EHMT1: variants seen among roughly 807,000 people sequenced by gnomAD.
The protein encoded by EHMT1 is histone-lysine N-methyltransferase EHMT1.
A neutral mutation model predicts 147.2 loss-of-function variants in EHMT1; 15 were observed. That is an observed-to-expected ratio of 0.10 (90% confidence interval 0.07 to 0.16). The LOEUF is 0.16. EHMT1 is among the 10% of genes least tolerant of loss of function. The pLI is 1.00. For synonymous variants in EHMT1, 795 were observed against 709.6 expected (o/e 1.12, Z -1.91); for missense variants, 1,587 against 1,772.4 (o/e 0.90, Z 1.88).
intron 4 of EHMT1, among the ~76,000 whole-genome samples, chr9:137,740,788 G>T (rs1947987079): frequency 1.3e-5 from 2 of 152,124 alleles, no homozygotes; most frequent in South Asian, 2.1e-4. Flanking sequence ...TTCCTGACAT[G>T]ATTTATTTTA....
chr9:137,644,808 T>C (rs755523567), intron 1 of EHMT1, among the ~76,000 whole-genome samples: 15 of 152,128 alleles, frequency 9.9e-5, no homozygotes, highest in Non-Finnish European at 2.1e-4. Context: ...TAATTATTGG[T>C]CTTTTGGTTG....
intron 6 of EHMT1, chr9:137,747,980 TTTTC>T (rs1421794360): frequency 1.3e-5 from 2 of 152,238 alleles, no homozygotes; most frequent in African/African-American, 4.8e-5. Context: ...TCTTTCTTTT[TTTTC>T]TTTGAGTGTG....
chr9:137,672,622 C>T (rs941517077), intron 1 of EHMT1, among the ~76,000 whole-genome samples: 9 of 152,228 alleles, frequency 5.9e-5, no homozygotes, highest in Admixed American at 2.0e-4. Flanking sequence ...AAGCGCCTGG[C>T]GCAGTACTGC....
chr9:137,781,062 ATGACGCCGGGATGTGTGG>A (rs1951437867), intron 14 of EHMT1, among the ~76,000 whole-genome samples: 1 of 135,388 alleles, frequency 7.4e-6, no homozygotes, highest in African/African-American at 3.0e-5. Flanking sequence ...ACGTGTGGTG[ATGACGCCGGGATGTGTGG>A]TGATGACGCT....
intron 1 of EHMT1, among the ~76,000 whole-genome samples, chr9:137,686,078 G>A (rs981775769): frequency 2.0e-5 from 3 of 151,936 alleles, no homozygotes; most frequent in Non-Finnish European, 4.4e-5. Flanking sequence ...TGCCAGGCTT[G>A]GAAGAGTTCT....
At chr9:137,740,610 A>C (rs1947972009) in intron 4 of EHMT1, among the ~76,000 whole-genome samples, 1 of 152,150 alleles carries the variant, frequency 6.6e-6, no homozygotes, top group Non-Finnish European at 1.5e-5. Flanking sequence ...GTGCTCAAAC[A>C]CTTTCAGGTC....
At chr9:137,748,932 A>G (rs1000014700) in intron 6 of EHMT1, among the ~76,000 whole-genome samples, 1 of 152,168 alleles carries the variant, frequency 6.6e-6, no homozygotes, top group Non-Finnish European at 1.5e-5. Context: ...TCTGCTCAGA[A>G]GCCACTTGCC....
intron 1 of EHMT1, among the ~76,000 whole-genome samples, chr9:137,689,280 T>C (rs1048784432): frequency 2.0e-5 from 3 of 152,370 alleles, no homozygotes; most frequent in Admixed American, 2.0e-4. Context: ...GAGTTTGGTA[T>C]GTGTCCTTCA....
chr9:137,759,187 T>C (rs974812016), intron 9 of EHMT1, among the ~76,000 whole-genome samples: 3 of 151,930 alleles, frequency 2.0e-5, no homozygotes, highest in African/African-American at 7.3e-5. Flanking sequence ...CTTAGCCTAG[T>C]CCGTCATGGA....
chr9:137,637,264 C>G (rs958382357), intron 1 of EHMT1, among the ~76,000 whole-genome samples: 1 of 152,126 alleles, frequency 6.6e-6, no homozygotes. Context: ...CAGCCTCCGC[C>G]TCCTGGGTTC....
chr9:137,687,576 G>A (rs1942570504), intron 1 of EHMT1, among the ~76,000 whole-genome samples: 1 of 152,170 alleles, frequency 6.6e-6, no homozygotes, highest in African/African-American at 2.4e-5. Context: ...GTGTTAGCAG[G>A]GGAGGCTTTT....
intron 3 of EHMT1, among the ~76,000 whole-genome samples, chr9:137,725,881 C>G (rs910284870): frequency 6.6e-6 from 1 of 152,150 alleles, no homozygotes; most frequent in African/African-American, 2.4e-5. Context: ...AGGTGCTACC[C>G]TGTTCTCCTC....
At chr9:137,625,857 G>GTTTT (rs1320835380) in intron 1 of EHMT1, among the ~76,000 whole-genome samples, 2 of 150,226 alleles carry the variant, frequency 1.3e-5, no homozygotes. Flanking sequence ...GTTTTGTTTT[G>GTTTT]TTTTTGTTTT....
intron 1 of EHMT1, among the ~76,000 whole-genome samples, chr9:137,631,201 C>T (rs564231289): frequency 6.6e-6 from 1 of 151,932 alleles, no homozygotes. Context: ...GCAGCCTGGC[C>T]AACATTGGTG....
intron 2 of EHMT1, 81 bp from the exon 3 acceptor site, chr9:137,716,542 CATG>C (rs1160521805): frequency 7.7e-7 from 1 of 1,295,082 alleles, no homozygotes; most frequent in Non-Finnish European, 1.0e-6. Flanking sequence ...GTGGTGGTGT[CATG>C]GTGGGGGAGG....
At chr9:137,702,025 C>G (rs1054609107) in intron 1 of EHMT1, among the ~76,000 whole-genome samples, 1 of 151,984 alleles carries the variant, frequency 6.6e-6, no homozygotes, top group African/African-American at 2.4e-5. Context: ...AACTTCTGAC[C>G]TCAGGTGATC....
intron 1 of EHMT1, among the ~76,000 whole-genome samples, chr9:137,659,113 T>C (rs1938794426): frequency 6.6e-6 from 1 of 152,208 alleles, no homozygotes; most frequent in Admixed American, 6.5e-5. Flanking sequence ...CTAAATACAT[T>C]ATGTTTGTTG....
At chr9:137,781,109 GCTGAGATGTGTGGTGATGACGGCATCA>G (rs1564748383) in intron 14 of EHMT1, among the ~76,000 whole-genome samples, 7 of 53,688 alleles carry the variant, frequency 1.3e-4, no homozygotes, top group African/African-American at 3.4e-4. Context: ...TGGTGATGAC[GCTGAGATGTGTGGTGATGACGGCATCA>G]CTGAGACGTG....
chr9:137,722,771 G>A (rs1310529339), intron 3 of EHMT1, among the ~76,000 whole-genome samples: 1 of 151,778 alleles, frequency 6.6e-6, no homozygotes, highest in African/African-American at 2.4e-5. Flanking sequence ...CACCCGGAGT[G>A]TGCTCTGTAT....
Sources: allele counts gnomAD v4.1 joint callset (sites outside exome capture counted in the v4.1 genomes callset), GRCh38; gene constraint gnomAD v4.1.1; transcripts MANE v1.5; gene names NCBI Gene and HGNC (gene_info 2026-07-23, HGNC 2026-07-21).